The following PPP5C variants were observed in gnomAD, a reference collection of about 807,000 sequenced individuals.
PPP5C encodes the protein serine/threonine-protein phosphatase 5.
PPP5C carries 21 observed loss-of-function variants against 66.7 expected under a neutral mutation model. The ratio of observed to expected loss-of-function variants is 0.31; its 90% CI spans 0.22 to 0.45. PPP5C has a LOEUF of 0.45. Among genes scored for constraint, PPP5C ranks in the 20% least tolerant of loss-of-function variants. The pLI is 1.00. For synonymous variants in PPP5C, 246 were observed against 257.4 expected, an observed-to-expected ratio of 0.96 and a Z score of 0.43; for missense variants, 464 against 675.9, an observed-to-expected ratio of 0.69 and a Z score of 3.48.
Position 46,376,713 on chromosome 19 carries a change from C to CT in PPP5C, c.633+140dup, listed in dbSNP as rs1972703236. 8.1e-7 allele frequency: 1 copy of CT among 1,240,834 alleles called. No individual in the cohort carries two copies. The highest frequency in any genetic ancestry group is 1.5e-5 in the African/African-American group (1 of 66,078). 76.9% of individuals were successfully genotyped at this position (1,240,834 alleles called of 1,614,324 possible). ...CCAAACAGGAGTCGTGTGCCGGACA[C>CT]TGTGCCGAGGGCTTACCACATGATC... On this transcript the variant is annotated intron_variant, in intron 4 of 12. Transcript: ENST00000012443. This position sits in a 1 kb window ranked among gnomAD's most constrained non-coding sequence, Gnocchi z 5.1.
chr19:46,390,969 G>A lies in PPP5C; in HGVS notation c.*623G>A. On this transcript the variant is annotated 3_prime_UTR_variant, in exon 13 of 13. Transcript: ENST00000012443. The stretch of plus-strand genomic sequence containing the variant: ...GCTGGCCGGGCCCACCCAGCTCTGG[G>A]CTGACCGCCCAAGTGGCCTCTGCCT... 1 of 1,200,638 alleles carries A rather than the reference G, an allele frequency of 8.3e-7. No individual in the cohort carries two copies. Among genetic ancestry groups the A allele is most frequent in the Non-Finnish European group, 1.1e-6 (1 of 944,310 alleles). The allele number at this position is 1,200,638 out of a possible 1,614,324, so 74.4% of individuals were successfully genotyped here. A position where few individuals can be genotyped will look rare whatever the true frequency, so the allele number is the denominator to read the frequency against.
At position 46,376,373 on chromosome 19, in the gene PPP5C, C is replaced by T. The variant is rs1355393683; in HGVS notation, c.512-80C>T. Reference sequence around the variant, plus strand: ...CTGTGTGTCCACACCCAAGTTTTCCCCATCCCTGGGAGCGAGACCCCCTTC... The same window carrying T: ...CTGTGTGTCCACACCCAAGTTTTCCTCATCCCTGGGAGCGAGACCCCCTTC... On this transcript the variant is annotated intron_variant, in intron 3 of 12. Transcript: ENST00000012443. This position sits in a 1 kb window ranked among gnomAD's most constrained non-coding sequence, Gnocchi z 5.1. 1 of 1,556,054 alleles carries T rather than the reference C, an allele frequency of 6.4e-7. No individual in the cohort carries two copies. The highest frequency in any genetic ancestry group is 1.2e-5 in the South Asian group (1 of 83,162).
Position 46,387,465 on chromosome 19 carries a change from G to A in PPP5C, c.1135+12G>A, listed in dbSNP as rs1288840517. ...ACCCCCAGATTCAGGTGAGCAGCGCGGGGCCAGGTGTCTCCAGCAGAAAGG... is the reference window on the plus strand; with the variant it reads ...ACCCCCAGATTCAGGTGAGCAGCGCAGGGCCAGGTGTCTCCAGCAGAAAGG... On this transcript the variant is annotated intron_variant, in intron 9 of 12. Coordinates refer to ENST00000012443, the MANE Select transcript of PPP5C (RefSeq NM_006247.4). 1.2e-5 allele frequency: 20 copies of A among 1,613,836 alleles called. No homozygotes were observed. The highest frequency in any genetic ancestry group is 4.4e-5 in the South Asian group (4 of 91,080).
chr19:46,362,766 TTTTA>T (rs1386025430), intron 2 of PPP5C, among the ~76,000 whole-genome samples: 1 of 151,822 alleles, frequency 6.6e-6, no homozygotes, highest in Non-Finnish European at 1.5e-5. Context: ...AAAACATAGT[TTTTA>T]TTTATTTATT....
At chr19:46,356,715 CAG>C (rs961301354) in intron 2 of PPP5C, among the ~76,000 whole-genome samples, 2 of 152,208 alleles carry the variant, frequency 1.3e-5, no homozygotes, top group African/African-American at 2.4e-5. Flanking sequence ...CTTCATCAAA[CAG>C]AGAATTAAAA....
chr19:46,383,100 T>G lies in PPP5C; in HGVS notation c.634-311T>G. On this transcript the variant is annotated intron_variant, in intron 4 of 12. Transcript: ENST00000012443. The surrounding 1 kb of genome is among the most constrained non-coding windows in gnomAD (Gnocchi z 5.0). ...TGCGCTGTGTCCAGGCCAGTTCTTT[T>G]ATAAAATGTTCTACGATCTGGATTC... 8.1e-7 allele frequency: 1 copy of G among 1,233,036 alleles called. No homozygotes were observed. Among genetic ancestry groups the G allele is most frequent in the Non-Finnish European group, 1.0e-6 (1 of 955,732 alleles). 76.4% of individuals were successfully genotyped at this position (1,233,036 alleles called of 1,614,324 possible).
intron 1 of PPP5C, among the ~76,000 whole-genome samples, chr19:46,348,921 G>A (rs529767227): frequency 6.6e-6 from 1 of 152,330 alleles, no homozygotes; most frequent in African/African-American, 2.4e-5. Context: ...TGCTGGTAGT[G>A]ATGTTGACAG....
intron 4 of PPP5C, among the ~76,000 whole-genome samples, chr19:46,377,367 T>C (rs1410558845): frequency 6.6e-6 from 1 of 152,196 alleles, no homozygotes; most frequent in South Asian, 2.1e-4. Context: ...CAAGGGCTGT[T>C]GTAAGGAGTA....
Position 46,383,001 on chromosome 19 carries a change from G to GT in PPP5C, c.634-410_634-409insT, listed in dbSNP as rs1231809948. 1.8e-6 allele frequency: 2 copies of GT among 1,100,326 alleles called. No individual in the cohort carries two copies. The highest frequency in any genetic ancestry group is 3.3e-5 in the African/African-American group (2 of 60,824). The allele number at this position is 1,100,326 out of a possible 1,614,324, so 68.2% of individuals were successfully genotyped here. ...CGTTGAAAGCACCAGTGTTGCCTATGACCTGCCTTTTTACCTCTTTTTACC... is the reference window on the plus strand; with the variant it reads ...CGTTGAAAGCACCAGTGTTGCCTATGTACCTGCCTTTTTACCTCTTTTTACC... On this transcript the variant is annotated intron_variant, in intron 4 of 12. Transcript: ENST00000012443. This position sits in a 1 kb window ranked among gnomAD's most constrained non-coding sequence, Gnocchi z 5.0.
chr19:46,387,616 C>T, intron 9 of PPP5C, 163 bp downstream of exon 9: 1 of 1,533,224 alleles, frequency 6.5e-7, no homozygotes, highest in Non-Finnish European at 8.8e-7. Context: ...CAGTGCACCT[C>T]CTTCATGGGG....
chr19:46,351,299 TG>T (rs1263306087), intron 1 of PPP5C, among the ~76,000 whole-genome samples: 1 of 152,190 alleles, frequency 6.6e-6, no homozygotes, highest in African/African-American at 2.4e-5. Flanking sequence ...TGGTCCTGTT[TG>T]TAAAGCGCAT....
At position 46,383,845 on chromosome 19, in the gene PPP5C, G is replaced by A; in HGVS notation, c.765G>A (p.Glu255=). 6.2e-7 allele frequency: 1 copy of A among 1,613,904 alleles called. No homozygotes were observed. The highest frequency in any genetic ancestry group is 1.7e-5 in the Admixed American group (1 of 60,010). Residue 255 remains glutamate (E), a synonymous_variant, in exon 6 of 13, where the codon GAG becomes GAA. Transcript: ENST00000012443. The surrounding 1 kb of genome is among the most constrained non-coding windows in gnomAD (Gnocchi z 5.0). The stretch of plus-strand genomic sequence containing the variant: ...TCTATGACCTCCTCAACATATTCGA[G>A]CTCAACGGTTTACCCTCGGAGACCA... ...GQFYDLLNIF[E]LNGLPSETNP...
intron 11 of PPP5C, among the ~76,000 whole-genome samples, chr19:46,389,460 C>CAGACACAG (rs1555795166): frequency 8.3e-6 from 1 of 120,740 alleles, no homozygotes; most frequent in East Asian, 2.6e-4. Flanking sequence ...CACACACACA[C>CAGACACAG]AGTGTTGATC....
chr19:46,388,813 G>T lies in PPP5C; in HGVS notation c.1355+82G>T. 1 of 1,503,514 alleles carries T rather than the reference G, an allele frequency of 6.7e-7. No homozygotes were observed. Among genetic ancestry groups the T allele is most frequent in the Non-Finnish European group, 9.0e-7 (1 of 1,105,030 alleles). The allele number at this position is 1,503,514 out of a possible 1,614,324, so 93.1% of individuals were successfully genotyped here. Reference sequence around the variant, plus strand: ...GTTTTTGTTTTGCCTTTTTATGATGGAACATTTCAAAGACAGGCAAGAGCA... The same window carrying T: ...GTTTTTGTTTTGCCTTTTTATGATGTAACATTTCAAAGACAGGCAAGAGCA... On this transcript the variant is annotated intron_variant, in intron 11 of 12. Coordinates refer to ENST00000012443, the MANE Select transcript of PPP5C (RefSeq NM_006247.4). The surrounding 1 kb of genome is among the most constrained non-coding windows in gnomAD (Gnocchi z 4.9).
At chr19:46,355,976 A>C (rs1039236727) in intron 2 of PPP5C, among the ~76,000 whole-genome samples, 1 of 152,078 alleles carries the variant, frequency 6.6e-6, no homozygotes, top group Admixed American at 6.5e-5. Context: ...GTGGGGCTGC[A>C]AGAGTGTCTT....
In PPP5C at chr19:46,390,404, C is replaced by T; in HGVS notation, c.*58C>T. ...CCCTCCAATCCCACCGGACCCAGGC[C>T]CTGGGCTAGGGGCAGAGCAGGCCCC... On this transcript the variant is annotated 3_prime_UTR_variant, in exon 13 of 13. Coordinates refer to ENST00000012443, the MANE Select transcript of PPP5C (RefSeq NM_006247.4). 10 of 1,550,538 alleles carry T rather than the reference C, an allele frequency of 6.4e-6. No homozygotes were observed. Among genetic ancestry groups the T allele is most frequent in the Non-Finnish European group, 8.7e-6 (10 of 1,146,902 alleles).
At chr19:46,353,140 T>C (rs530440230) in intron 1 of PPP5C, among the ~76,000 whole-genome samples, 185 of 152,300 alleles carry the variant, frequency 1.2e-3, no homozygotes, top group African/African-American at 4.3e-3. Flanking sequence ...CTCCATGGCT[T>C]GTCTGTAAAA....
chr19:46,386,964 C>G, intron 7 of PPP5C, 129 bp from the exon 8 acceptor site: 1 of 1,326,030 alleles, frequency 7.5e-7, no homozygotes, highest in Non-Finnish European at 1.0e-6. Flanking sequence ...TGGAAGGCAC[C>G]GCAGTGGCAA....
chr19:46,372,545 A>T (rs1972612217), intron 2 of PPP5C, among the ~76,000 whole-genome samples: 2 of 152,184 alleles, frequency 1.3e-5, no homozygotes, highest in African/African-American at 4.8e-5. Context: ...AATCCAAAAA[A>T]TTCCCAATCC....
Sources: gnomAD v4.1 joint callset for allele counts (sites outside exome capture counted in the v4.1 genomes callset) on GRCh38, gnomAD v4.1.1 for gene constraint, Gnocchi (gnomAD v3.1) non-coding constraint, MANE v1.5 for transcripts, NCBI Gene and HGNC (gene_info 2026-07-23, HGNC 2026-07-21) for gene names.